The following BTG4 variants were observed in gnomAD, a reference collection of about 807,000 sequenced individuals.
The protein encoded by BTG4 is protein BTG4.
A neutral mutation model predicts 19.3 loss-of-function variants in BTG4; 10 were observed. That is an observed-to-expected ratio of 0.52 (90% CI 0.32 to 0.88). BTG4 has a LOEUF of 0.88. Ranked by LOEUF, BTG4 falls within the 40% of genes least tolerant of loss-of-function variation. BTG4 has a pLI of 0.04. For missense variants in BTG4, 238 were observed against 281.9 expected (o/e 0.84, Z 1.11); for synonymous variants, 91 against 95.7 (o/e 0.95, Z 0.29).
chr11:111,424,638 G>A, the BTG4 span, among the ~76,000 whole-genome samples: 8 of 152,260 alleles, frequency 5.3e-5, no homozygotes, highest in Non-Finnish European at 8.8e-5. Context: ...AAAGATTTAC[G>A]GTCACTTAAG....
intron 5 of BTG4, among the ~76,000 whole-genome samples, chr11:111,486,128 A>G (rs1336505370): frequency 1.3e-5 from 2 of 152,190 alleles, no homozygotes; most frequent in Non-Finnish European, 2.9e-5. Flanking sequence ...CCCAGGACCT[A>G]AAGGCTTCAC....
chr11:111,400,891 C>T, the BTG4 span: 1 of 151,904 alleles, frequency 6.6e-6, no homozygotes, highest in Admixed American at 6.6e-5. Context: ...TAAGACAACA[C>T]CAAACAAACC....
chr11:111,506,118 T>C (rs534663928), intron 1 of BTG4, among the ~76,000 whole-genome samples: 1 of 152,260 alleles, frequency 6.6e-6, no homozygotes, highest in South Asian at 2.1e-4. Flanking sequence ...GCAATCCCAC[T>C]ACTGGGTATC....
the BTG4 span, among the ~76,000 whole-genome samples, chr11:111,439,681 C>G: frequency 1.3e-5 from 2 of 152,130 alleles, no homozygotes; most frequent in Admixed American, 6.5e-5. Flanking sequence ...TTTGCCTCAT[C>G]ATCTGGAGGC....
At chr11:111,497,039 T>C (rs1181211057) in intron 4 of BTG4, 172 bp downstream of exon 4, 2 of 544,548 alleles carry the variant, frequency 3.7e-6, no homozygotes. Flanking sequence ...GGGAATACAT[T>C]GTGCAGTGAA....
At chr11:111,489,743 G>T (rs1865298052) in intron 5 of BTG4, among the ~76,000 whole-genome samples, 1 of 151,954 alleles carries the variant, frequency 6.6e-6, no homozygotes, top group South Asian at 2.1e-4. Context: ...AATAAGCCAG[G>T]CACAGAAAGA....
At chr11:111,410,770 C>T in the BTG4 span, among the ~76,000 whole-genome samples, 1 of 152,178 alleles carries the variant, frequency 6.6e-6, no homozygotes, top group East Asian at 1.9e-4. Flanking sequence ...TTCCAGTAAG[C>T]ATTTCTAACT....
chr11:111,444,848 G>A, the BTG4 span, among the ~76,000 whole-genome samples: 1 of 152,148 alleles, frequency 6.6e-6, no homozygotes, highest in Non-Finnish European at 1.5e-5. Flanking sequence ...GCAGGAGAGC[G>A]CAGCAGTAAA....
At chr11:111,423,248 G>A in the BTG4 span, among the ~76,000 whole-genome samples, 1 of 152,100 alleles carries the variant, frequency 6.6e-6, no homozygotes, top group African/African-American at 2.4e-5. Flanking sequence ...GACCGAATGA[G>A]GCACTCTCTC....
chr11:111,425,849 T>G, the BTG4 span, among the ~76,000 whole-genome samples: 1 of 152,058 alleles, frequency 6.6e-6, no homozygotes, highest in African/African-American at 2.4e-5. Flanking sequence ...CTGGGTAACA[T>G]AGTGACACCC....
At chr11:111,500,313 C>CT (rs1865990857) in intron 1 of BTG4, among the ~76,000 whole-genome samples, 1 of 152,180 alleles carries the variant, frequency 6.6e-6, no homozygotes. Flanking sequence ...TACGTTAAGT[C>CT]TTTAACGCTC....
Position 111,497,147 on chromosome 11 carries a change from T to G in BTG4, c.510+64A>C, listed in dbSNP as rs773747767. The G allele has an allele frequency of 3.6e-6, 5 of 1,407,192 alleles. No homozygotes were observed. The African/African-American group carries it at 4.4e-5, about 12-fold the overall frequency. The allele number at this position is 1,407,192 out of a possible 1,614,324, so 87.2% of individuals were successfully genotyped here. On this transcript the variant is annotated intron_variant, in intron 4 of 4. Coordinates refer to ENST00000692032, the MANE Select transcript of BTG4 (RefSeq NM_001367975.1). ...TTTTTTTGCTTCTTTGTTTTCATAA[T>G]GAGTGCATTCTTTTTAGAATTAGAT...
At chr11:111,505,921 G>T (rs1866422424) in intron 1 of BTG4, among the ~76,000 whole-genome samples, 1 of 152,046 alleles carries the variant, frequency 6.6e-6, no homozygotes, top group South Asian at 2.1e-4. Flanking sequence ...AAACCACATT[G>T]AGATACCATC....
chr11:111,507,248 C>T (rs539299451), intron 1 of BTG4, among the ~76,000 whole-genome samples: 2 of 152,198 alleles, frequency 1.3e-5, no homozygotes, highest in Admixed American at 6.5e-5. Flanking sequence ...ACAGAATACA[C>T]CCTAGAGCTC....
chr11:111,488,756 A>G (rs538545265), intron 5 of BTG4, among the ~76,000 whole-genome samples: 11 of 152,328 alleles, frequency 7.2e-5, no homozygotes, highest in Non-Finnish European at 1.6e-4. Flanking sequence ...AGGGAAAAAA[A>G]TTCAATTTTT....
chr11:111,500,179 T>A (rs79508100), intron 1 of BTG4, among the ~76,000 whole-genome samples: 3,728 of 152,116 alleles, frequency 0.025, 84 homozygotes, highest in Middle Eastern at 0.085. Flanking sequence ...AAATTCAGAT[T>A]CTTGGACCTT....
At chr11:111,429,181 AG>A in the BTG4 span, among the ~76,000 whole-genome samples, 1 of 152,180 alleles carries the variant, frequency 6.6e-6, no homozygotes, top group East Asian at 1.9e-4. Context: ...CCAGTACCCA[AG>A]AAACAGTTAC....
chr11:111,426,707 C>G, the BTG4 span, among the ~76,000 whole-genome samples: 2 of 152,098 alleles, frequency 1.3e-5, no homozygotes, highest in East Asian at 3.9e-4. Context: ...CAGAAGTCAC[C>G]CTCTTCACCA....
the BTG4 span, among the ~76,000 whole-genome samples, chr11:111,436,006 AG>A: frequency 6.6e-6 from 1 of 152,258 alleles, no homozygotes; most frequent in Non-Finnish European, 1.5e-5. Flanking sequence ...AGAGCCACAA[AG>A]AAAATGTTAA....
Sources: allele counts gnomAD v4.1 joint callset (sites outside exome capture counted in the v4.1 genomes callset), GRCh38; gene constraint gnomAD v4.1.1; transcripts MANE v1.5; gene names NCBI Gene and HGNC (gene_info 2026-07-23, HGNC 2026-07-21).